OTOA: variants seen among roughly 807,000 people sequenced by gnomAD.
OTOA encodes otoancorin.
Under a neutral mutation model 110.8 loss-of-function variants are expected in OTOA, and 70 were observed. That is an observed-to-expected ratio of 0.63 (90% CI 0.52 to 0.77). OTOA has a LOEUF of 0.77. OTOA is among the 30% of genes least tolerant of loss of function. The pLI, the probability that OTOA is intolerant of heterozygous loss-of-function variation, is 0.00. For synonymous variants in OTOA, 373 were observed against 431.5 expected (o/e 0.86, Z 1.68); for missense variants, 917 against 1,075.8 (o/e 0.85, Z 2.06).
intron 12 of OTOA, among the ~76,000 whole-genome samples, chr16:21,707,635 T>TTCTTTC (rs1383405226): frequency 1.8e-5 from 2 of 113,302 alleles, no homozygotes; most frequent in Non-Finnish European, 4.3e-5. Flanking sequence ...CTTTCTTTCT[T>TTCTTTC]TCTTTCTTTC....
chr16:21,722,255 G>A (rs975485457), intron 17 of OTOA, among the ~76,000 whole-genome samples: 1 of 131,142 alleles, frequency 7.6e-6, no homozygotes, highest in Non-Finnish European at 1.6e-5. Context: ...GAGTGAGACT[G>A]TCTCAAAAAA....
chr16:21,706,376 G>A (rs1332291575), intron 12 of OTOA, among the ~76,000 whole-genome samples: 1 of 152,180 alleles, frequency 6.6e-6, no homozygotes, highest in African/African-American at 2.4e-5. Context: ...TAAAGCAGTG[G>A]TTCTCAAACC....
rs1234973686 is a variant in OTOA at position 21,752,900 on chromosome 16, AG to A, written c.3056-124del. ...AACTTGATTCCCCAGTGTGATTTCC[AG>A]GGCCTTTTGTAAGGAATGATGCCTG... On this transcript the variant is annotated intron_variant, in intron 26 of 28. Coordinates refer to ENST00000646100, the MANE Select transcript of OTOA (RefSeq NM_144672.4). 4.2e-6 allele frequency: 3 copies of A among 707,456 alleles called. No homozygotes were observed. In the African/African-American group the frequency reaches 5.6e-5, roughly 13 times the overall value. The allele number at this position is 707,456 out of a possible 1,614,324, so 43.8% of individuals were successfully genotyped here. A position where few individuals can be genotyped will look rare whatever the true frequency, so the allele number is the denominator to read the frequency against.
At chr16:21,751,357 G>A (rs1413303383) in intron 24 of OTOA, among the ~76,000 whole-genome samples, 4 of 20,514 alleles carry the variant, frequency 1.9e-4, no homozygotes, top group Middle Eastern at 0.02. Flanking sequence ...GTGAAACCCC[G>A]TCTCTACAAA....
chr16:21,724,933 C>G (rs908775777), intron 18 of OTOA, among the ~76,000 whole-genome samples: 1 of 151,938 alleles, frequency 6.6e-6, no homozygotes, highest in South Asian at 2.1e-4. Context: ...TGCGCCACCA[C>G]GCCTGGCTAA....
intron 1 of OTOA, among the ~76,000 whole-genome samples, chr16:21,664,500 T>C (rs1966826826): frequency 6.6e-6 from 1 of 152,132 alleles, no homozygotes; most frequent in Non-Finnish European, 1.5e-5. Context: ...CGATGACAAC[T>C]GTTGCAATAA....
rs535210456 is a variant in OTOA at position 21,717,853 on chromosome 16, C to T, written c.1629+806C>T. Among the ~76,000 whole-genome samples, 9 of 152,290 alleles carry T rather than the reference C, an allele frequency of 5.9e-5. No individual in the cohort carries two copies. In the South Asian group the frequency reaches 1.0e-3, roughly 18 times the overall value. Reference sequence around the variant, plus strand: ...GACACAAATCCCTGTCTGTTCCAGGCGCTCTTGCTCAGGGTCTCTCATGAG... The same window carrying T: ...GACACAAATCCCTGTCTGTTCCAGGTGCTCTTGCTCAGGGTCTCTCATGAG... On this transcript the variant is annotated intron_variant, in intron 15 of 28. Coordinates refer to ENST00000646100, the MANE Select transcript of OTOA (RefSeq NM_144672.4).
chr16:21,714,430 TTC>T (rs1291431602), intron 13 of OTOA, among the ~76,000 whole-genome samples: 9 of 148,350 alleles, frequency 6.1e-5, no homozygotes, highest in South Asian at 4.3e-4. Context: ...TTTCCTTTCT[TTC>T]TCTCTTTCTT....
At chr16:21,728,063 C>G (rs1898979962) in intron 19 of OTOA, among the ~76,000 whole-genome samples, 178 bp from the exon 20 acceptor site, 1 of 152,166 alleles carries the variant, frequency 6.6e-6, no homozygotes, top group Non-Finnish European at 1.5e-5. Context: ...TGGGGTTTCA[C>G]CATGTTGGCC....
chr16:21,715,172 T>C lies in OTOA; in HGVS notation c.1488+20T>C. Reference sequence around the variant, plus strand: ...AGCAAGGTGAGAGGAAGATGTCTGGTGCTCAGCCACATGTCACAGGGGGTA... The same window carrying C: ...AGCAAGGTGAGAGGAAGATGTCTGGCGCTCAGCCACATGTCACAGGGGGTA... On this transcript the variant is annotated intron_variant, in intron 14 of 28. Transcript: ENST00000646100. 1 of 1,614,054 alleles carries C rather than the reference T, an allele frequency of 6.2e-7. No homozygotes were observed.
At chr16:21,737,848 G>A (rs560236418) in intron 22 of OTOA, among the ~76,000 whole-genome samples, 32 of 152,376 alleles carry the variant, frequency 2.1e-4, no homozygotes, top group African/African-American at 7.5e-4. Context: ...TTATTACCAT[G>A]CACCTACTAA....
chr16:21,696,483 T>C (rs906715259), intron 9 of OTOA, among the ~76,000 whole-genome samples: 2 of 152,134 alleles, frequency 1.3e-5, no homozygotes, highest in East Asian at 1.9e-4. Context: ...GGTTCAAGTA[T>C]AGTAACATGG....
intron 18 of OTOA, among the ~76,000 whole-genome samples, chr16:21,723,275 C>T (rs1487886365): frequency 6.6e-6 from 1 of 152,096 alleles, no homozygotes; most frequent in Non-Finnish European, 1.5e-5. Context: ...GTGCCAGGCT[C>T]CAGGGGAATC....
intron 1 of OTOA, among the ~76,000 whole-genome samples, chr16:21,665,561 C>T (rs1035293495): frequency 1.5e-4 from 23 of 152,032 alleles, no homozygotes; most frequent in African/African-American, 5.6e-4. Flanking sequence ...AAACTGAGTA[C>T]GGTAACCCTT....
In OTOA at chr16:21,728,336, G is replaced by A. The variant is rs1206533186; in HGVS notation, c.2112G>A (p.Arg704=). The part of the protein sequence containing the change: ...AAIIDRGISP[R]AWATALHGLR... ...TCATCGACAGGGGGATCTCCCCCAG[G>A]GCTTGGGCGACTGCTCTACACGGCC... The change falls in exon 20 of 29, where the codon AGG becomes AGA. Residue 704 remains arginine (R), a synonymous_variant. Coordinates refer to ENST00000646100, the MANE Select transcript of OTOA (RefSeq NM_144672.4). 3.1e-6 allele frequency: 5 copies of A among 1,614,046 alleles called. No homozygotes were observed. Among genetic ancestry groups the A allele is most frequent in the Non-Finnish European group, 3.4e-6 (4 of 1,180,008 alleles).
chr16:21,719,586 A>G (rs915886365), intron 17 of OTOA, 82 bp downstream of exon 17: 1 of 1,264,972 alleles, frequency 7.9e-7, no homozygotes, highest in Admixed American at 1.7e-5. Context: ...GCATCTAAAG[A>G]TCTTTATGCC....
chr16:21,715,295 T>A (rs1309570405), intron 14 of OTOA, 143 bp downstream of exon 14: 4 of 1,061,026 alleles, frequency 3.8e-6, no homozygotes, highest in Non-Finnish European at 5.8e-6. Context: ...TGCCTTCTCC[T>A]GGTGGCACAC....
intron 8 of OTOA, among the ~76,000 whole-genome samples, chr16:21,690,497 A>G (rs1597813275): frequency 6.6e-6 from 1 of 152,138 alleles, no homozygotes; most frequent in Non-Finnish European, 1.5e-5. Flanking sequence ...TTCCAGGTCC[A>G]TTCATGTCCC....
At chr16:21,670,427 G>A (rs1966847510) in intron 1 of OTOA, among the ~76,000 whole-genome samples, 1 of 151,900 alleles carries the variant, frequency 6.6e-6, no homozygotes, top group Non-Finnish European at 1.5e-5. Flanking sequence ...CACTTCCTGA[G>A]GTCTCTGCTT....
Sources: allele counts gnomAD v4.1 joint callset (sites outside exome capture counted in the v4.1 genomes callset), GRCh38; gene constraint gnomAD v4.1.1; transcripts MANE v1.5; gene names NCBI Gene and HGNC (gene_info 2026-07-23, HGNC 2026-07-21).